The following SCHIP1 variants were observed in gnomAD, a reference collection of about 807,000 sequenced individuals.
SCHIP1 encodes schwannomin interacting protein 1, also known as schwannomin-interacting protein 1.
A neutral mutation model predicts 29.7 loss-of-function variants in SCHIP1; 8 were observed. The ratio of observed to expected loss-of-function variants is 0.27; its 90% CI spans 0.16 to 0.49. The LOEUF (loss-of-function observed/expected upper bound fraction) is 0.49, where lower values mean the gene tolerates loss of function less well. Ranked by LOEUF, SCHIP1 falls within the 20% of genes least tolerant of loss-of-function variation. The probability of loss-of-function intolerance (pLI) is 0.99; values close to 1 mark genes in which losing one functional copy is unlikely to be tolerated. For synonymous variants in SCHIP1, 76 were observed against 94.9 expected (o/e 0.80, Z 1.16); for missense variants, 193 against 294.6 (o/e 0.66, Z 2.52).
the SCHIP1 span, among the ~76,000 whole-genome samples, chr3:159,371,432 A>ATGTT: frequency 2.0e-5 from 3 of 152,194 alleles, no homozygotes; most frequent in Admixed American, 6.5e-5. Flanking sequence ...GGAAGAAAGA[A>ATGTT]TGTTTGAGCT....
chr3:159,484,662 T>C, the SCHIP1 span, among the ~76,000 whole-genome samples: 1 of 152,162 alleles, frequency 6.6e-6, no homozygotes, highest in Non-Finnish European at 1.5e-5. Flanking sequence ...ATATCAATCA[T>C]GTTGCAACTT....
At chr3:159,532,179 C>G in the SCHIP1 span, among the ~76,000 whole-genome samples, 6 of 152,014 alleles carry the variant, frequency 3.9e-5, no homozygotes, top group Non-Finnish European at 8.8e-5. Context: ...TCAAAGATTT[C>G]TTTCTGTAGG....
At chr3:159,500,175 T>C in the SCHIP1 span, among the ~76,000 whole-genome samples, 1 of 152,048 alleles carries the variant, frequency 6.6e-6, no homozygotes, top group East Asian at 1.9e-4. Context: ...GAAACTCTGA[T>C]TTTAAAATAA....
chr3:159,595,281 C>T, the SCHIP1 span, among the ~76,000 whole-genome samples: 20 of 152,120 alleles, frequency 1.3e-4, no homozygotes, highest in African/African-American at 4.6e-4. Flanking sequence ...GGAATTGGAG[C>T]AGGAGGGCCT....
At chr3:159,304,412 A>G in the SCHIP1 span, among the ~76,000 whole-genome samples, 3 of 152,200 alleles carry the variant, frequency 2.0e-5, no homozygotes, top group African/African-American at 4.8e-5. Flanking sequence ...GGTATAGTCC[A>G]TAATTTCCTT....
chr3:159,395,879 G>A, the SCHIP1 span, among the ~76,000 whole-genome samples: 4 of 151,898 alleles, frequency 2.6e-5, no homozygotes, highest in South Asian at 2.1e-4. Flanking sequence ...TATCCTTGTT[G>A]ACTTTCTGTC....
At chr3:159,553,230 A>G in the SCHIP1 span, among the ~76,000 whole-genome samples, 1 of 151,326 alleles carries the variant, frequency 6.6e-6, no homozygotes, top group Non-Finnish European at 1.5e-5. Flanking sequence ...AAATGGATAT[A>G]TTTATGAAAA....
At chr3:159,823,006 C>A in the SCHIP1 span, among the ~76,000 whole-genome samples, 1 of 151,544 alleles carries the variant, frequency 6.6e-6, no homozygotes, top group Non-Finnish European at 1.5e-5. Context: ...GTGAAAGGAA[C>A]GCTTATGAGA....
At chr3:159,858,703 T>C (rs1295430283) in intron 1 of SCHIP1, among the ~76,000 whole-genome samples, 3 of 152,210 alleles carry the variant, frequency 2.0e-5, no homozygotes, top group African/African-American at 7.2e-5. Context: ...AATACTGAAG[T>C]AAAATAGGTG....
the SCHIP1 span, among the ~76,000 whole-genome samples, chr3:159,750,317 ACACG>A: frequency 1.3e-4 from 19 of 149,552 alleles, no homozygotes; most frequent in East Asian, 3.9e-4. Flanking sequence ...ACACACACAC[ACACG>A]TATACATATA....
intron 2 of SCHIP1, among the ~76,000 whole-genome samples, chr3:159,871,063 G>A (rs1715203587): frequency 6.6e-6 from 1 of 151,964 alleles, no homozygotes; most frequent in Admixed American, 6.6e-5. Context: ...TTTCAAAATT[G>A]TTGGCATGAT....
chr3:159,728,324 C>T, the SCHIP1 span, among the ~76,000 whole-genome samples: 4 of 152,084 alleles, frequency 2.6e-5, no homozygotes, highest in South Asian at 4.1e-4. Context: ...CCAATATTGT[C>T]CAAGTTCCAA....
the SCHIP1 span, among the ~76,000 whole-genome samples, chr3:159,749,482 A>T: frequency 6.6e-6 from 1 of 152,186 alleles, no homozygotes; most frequent in African/African-American, 2.4e-5. Context: ...GGGAAACACC[A>T]TCTCCTTGGC....
chr3:159,859,579 C>G (rs1184155825), intron 1 of SCHIP1, among the ~76,000 whole-genome samples: 1 of 152,166 alleles, frequency 6.6e-6, no homozygotes, highest in Non-Finnish European at 1.5e-5. Flanking sequence ...TATCACTAGG[C>G]AATAGATTGC....
chr3:159,328,170 T>C, the SCHIP1 span, among the ~76,000 whole-genome samples: 1 of 152,328 alleles, frequency 6.6e-6, no homozygotes, highest in Non-Finnish European at 1.5e-5. Flanking sequence ...CCTCAGTTGC[T>C]CTATTTCTCA....
chr3:159,402,276 A>G, the SCHIP1 span, among the ~76,000 whole-genome samples: 6 of 152,198 alleles, frequency 3.9e-5, no homozygotes, highest in African/African-American at 1.4e-4. Flanking sequence ...AAAAGTCAGG[A>G]AACAACAGGT....
At chr3:159,454,138 G>A in the SCHIP1 span, among the ~76,000 whole-genome samples, 1 of 152,166 alleles carries the variant, frequency 6.6e-6, no homozygotes. Flanking sequence ...AGCATTGTCT[G>A]GACATTGGAA....
the SCHIP1 span, among the ~76,000 whole-genome samples, chr3:159,828,547 A>C: frequency 6.6e-6 from 1 of 151,232 alleles, no homozygotes; most frequent in East Asian, 1.9e-4. Flanking sequence ...GTATTATTGA[A>C]ATGTTAATGA....
At chr3:159,297,126 TTGTGTGTGTGTG>T in the SCHIP1 span, among the ~76,000 whole-genome samples, 134 of 143,376 alleles carry the variant, frequency 9.3e-4, 1 homozygote, top group African/African-American at 2.4e-3. Flanking sequence ...TAATATTCCA[TTGTGTGTGTGTG>T]TGTGTGTGTG....
Sources: allele counts gnomAD v4.1 joint callset (sites outside exome capture counted in the v4.1 genomes callset), GRCh38; gene constraint gnomAD v4.1.1; transcripts MANE v1.5; gene names NCBI Gene and HGNC (gene_info 2026-07-23, HGNC 2026-07-21).